The following PRMT8 variants were observed in gnomAD, a reference collection of about 807,000 sequenced individuals.
PRMT8 encodes protein arginine N-methyltransferase 8.
In PRMT8, 7 loss-of-function variants were observed where a neutral mutation model predicts 47.1. That is an observed-to-expected ratio of 0.15 (90% confidence interval 0.08 to 0.28). The LOEUF is 0.28. Ranked by LOEUF, PRMT8 falls within the 10% of genes least tolerant of loss-of-function variation. The pLI is 1.00. For synonymous variants in PRMT8, 188 were observed against 186.5 expected (o/e 1.01, Z -0.07); for missense variants, 237 against 505.4 (o/e 0.47, Z 5.09).
At chr12:3,389,645 C>T (rs1011505487) in intron 1 of PRMT8, among the ~76,000 whole-genome samples, 8 of 152,170 alleles carry the variant, frequency 5.3e-5, no homozygotes, top group Admixed American at 2.0e-4. Flanking sequence ...ACACCATGAT[C>T]GGATGTGCTA....
chr12:3,445,638 C>T (rs1448486300), intron 1 of PRMT8, among the ~76,000 whole-genome samples: 3 of 152,130 alleles, frequency 2.0e-5, no homozygotes, highest in Non-Finnish European at 4.4e-5. Flanking sequence ...ATTTGCTTGC[C>T]TGATGGGCTT....
chr12:3,393,553 G>C (rs1224085357), intron 1 of PRMT8, among the ~76,000 whole-genome samples: 4 of 152,136 alleles, frequency 2.6e-5, no homozygotes, highest in Non-Finnish European at 5.9e-5. Context: ...TGAGGGCTCT[G>C]TTCTGTTCCA....
At chr12:3,390,182 C>T (rs559326538) in intron 1 of PRMT8, among the ~76,000 whole-genome samples, 2 of 152,250 alleles carry the variant, frequency 1.3e-5, no homozygotes. Context: ...CCACTTGCTG[C>T]TCAGTACACT....
intron 1 of PRMT8, among the ~76,000 whole-genome samples, chr12:3,530,420 A>C (rs1866011933): frequency 6.6e-6 from 1 of 152,162 alleles, no homozygotes; most frequent in Non-Finnish European, 1.5e-5. Flanking sequence ...TAGAAGTAAC[A>C]CCTACAATTG....
intron 1 of PRMT8, among the ~76,000 whole-genome samples, chr12:3,397,740 C>G (rs1444813531): frequency 6.6e-6 from 1 of 152,104 alleles, no homozygotes; most frequent in Non-Finnish European, 1.5e-5. Context: ...GGGCTCCCCC[C>G]AGTTCGTGCT....
intron 1 of PRMT8, among the ~76,000 whole-genome samples, chr12:3,383,501 C>G (rs1864110994): frequency 6.6e-6 from 1 of 152,198 alleles, no homozygotes. Flanking sequence ...GGTGGGGCCT[C>G]TGGGAGGCGG....
At chr12:3,526,573 A>T (rs189972328) in intron 1 of PRMT8, among the ~76,000 whole-genome samples, 40 of 152,272 alleles carry the variant, frequency 2.6e-4, no homozygotes, top group African/African-American at 9.4e-4. Flanking sequence ...TCTGGGTGTG[A>T]AGTGGTATCT....
chr12:3,587,555 C>G (rs569803169), intron 8 of PRMT8, among the ~76,000 whole-genome samples: 45 of 152,304 alleles, frequency 3.0e-4, no homozygotes, highest in African/African-American at 9.6e-4. Flanking sequence ...GCCAACACCT[C>G]TGCATCTTCC....
intron 1 of PRMT8, among the ~76,000 whole-genome samples, chr12:3,437,914 G>T (rs760914279): frequency 6.6e-6 from 1 of 152,146 alleles, no homozygotes; most frequent in Non-Finnish European, 1.5e-5. Context: ...CAGTTAGCTC[G>T]AGCAGTAACT....
At chr12:3,463,224 G>A (rs1156917397) in intron 1 of PRMT8, 3 of 152,194 alleles carry the variant, frequency 2.0e-5, no homozygotes, top group Non-Finnish European at 4.4e-5. Context: ...TGCTGGAAGT[G>A]AGACTTCATG....
Position 3,583,279 on chromosome 12 carries a change from G to C in PRMT8, c.979+71G>C. On this transcript the variant is annotated intron_variant, in intron 8 of 9. Transcript: ENST00000382622. This position sits in a 1 kb window ranked among gnomAD's most constrained non-coding sequence, Gnocchi z 4.7. ...TCCTCAAGTCTTTGTGGGGTGACCA[G>C]AGCTGGCCTTGACTTGGGGAGAAGG... 9 of 1,492,744 alleles carry C rather than the reference G, an allele frequency of 6.0e-6. No individual in the cohort carries two copies. The South Asian group carries it at 9.3e-5, about 15-fold the overall frequency. 92.5% of individuals were successfully genotyped at this position (1,492,744 alleles called of 1,614,324 possible).
At chr12:3,490,554 G>GGGT (rs1865371832), upstream of PRMT8, among the ~76,000 whole-genome samples, 1 of 150,156 alleles carries the variant, frequency 6.7e-6, no homozygotes. Flanking sequence ...AGTGGGGGGG[G>GGGT]GGGCACTGCA....
chr12:3,483,562 T>A (rs1865294777), intron 1 of PRMT8, among the ~76,000 whole-genome samples: 1 of 152,178 alleles, frequency 6.6e-6, no homozygotes, highest in African/African-American at 2.4e-5. Context: ...CATAGGTGAA[T>A]AAGCCACAGA....
chr12:3,396,761 C>A (rs1379917621), intron 1 of PRMT8, among the ~76,000 whole-genome samples: 2 of 151,766 alleles, frequency 1.3e-5, no homozygotes, highest in Non-Finnish European at 2.9e-5. Context: ...TGTTGGCCTG[C>A]CTTGCTAGAT....
chr12:3,568,036 C>G (rs1866756619), intron 4 of PRMT8, among the ~76,000 whole-genome samples: 1 of 149,154 alleles, frequency 6.7e-6, no homozygotes, highest in Admixed American at 6.7e-5. Flanking sequence ...CACGCCACTG[C>G]ACTCCAGCCT....
At chr12:3,577,136 C>T (rs879129959) in intron 7 of PRMT8, 150 bp downstream of exon 7, 1 of 650,916 alleles carries the variant, frequency 1.5e-6, no homozygotes, top group Non-Finnish European at 2.7e-6. Flanking sequence ...AAGCTCAAGT[C>T]AAAAGCTGGC....
chr12:3,458,127 A>C (rs1396769567), intron 1 of PRMT8, among the ~76,000 whole-genome samples: 1 of 152,142 alleles, frequency 6.6e-6, no homozygotes, highest in African/African-American at 2.4e-5. Flanking sequence ...AGGCGTGAGC[A>C]TGCCTGGCCC....
intron 1 of PRMT8, among the ~76,000 whole-genome samples, chr12:3,485,754 C>G (rs1031555715): frequency 3.3e-5 from 5 of 152,056 alleles, no homozygotes; most frequent in African/African-American, 1.2e-4. Context: ...ATATATATAA[C>G]TTAGGTCTTA....
Position 3,538,572 on chromosome 12 carries a change from G to T in PRMT8, c.76-2034G>T. On this transcript the variant is annotated intron_variant, in intron 1 of 9. Coordinates refer to ENST00000382622, the MANE Select transcript of PRMT8 (RefSeq NM_019854.5). This position sits in a 1 kb window ranked among gnomAD's most constrained non-coding sequence, Gnocchi z 4.6. Reference sequence around the variant, plus strand: ...GGAACCAGAGTGGAGTGACAGCTAAGGGGTGCTGGAGGCCCCTGTGACCTT... The same window carrying T: ...GGAACCAGAGTGGAGTGACAGCTAATGGGTGCTGGAGGCCCCTGTGACCTT... 1.9e-6 allele frequency: 1 copy of T among 517,046 alleles called. No individual in the cohort carries two copies. Among genetic ancestry groups the T allele is most frequent in the South Asian group, 1.4e-5 (1 of 71,232 alleles). 32.0% of individuals were successfully genotyped at this position (517,046 alleles called of 1,614,324 possible).
Sources: gnomAD v4.1 joint callset for allele counts (sites outside exome capture counted in the v4.1 genomes callset) on GRCh38, gnomAD v4.1.1 for gene constraint, Gnocchi (gnomAD v3.1) non-coding constraint, MANE v1.5 for transcripts, NCBI Gene and HGNC (gene_info 2026-07-23, HGNC 2026-07-21) for gene names.